The following SLC4A4 variants were observed in gnomAD, a reference collection of about 807,000 sequenced individuals.
SLC4A4 encodes the protein electrogenic sodium bicarbonate cotransporter 1.
SLC4A4 carries 27 observed loss-of-function variants against 111.5 expected under a neutral mutation model. The ratio of observed to expected loss-of-function variants is 0.24; its 90% CI spans 0.18 to 0.33. The LOEUF is 0.33. Among genes scored for constraint, SLC4A4 ranks in the 10% least tolerant of loss-of-function variants. The pLI, the probability that SLC4A4 is intolerant of heterozygous loss-of-function variation, is 1.00. For missense variants in SLC4A4, 909 were observed against 1,315.5 expected, an observed-to-expected ratio of 0.69 and a Z score of 4.78; for synonymous variants, 443 against 463.4, an observed-to-expected ratio of 0.96 and a Z score of 0.57.
intron 2 of SLC4A4, among the ~76,000 whole-genome samples, chr4:71,115,900 T>C (rs1034085695): frequency 3.3e-5 from 5 of 152,334 alleles, no homozygotes; most frequent in African/African-American, 1.2e-4. Context: ...TTTATTTTAT[T>C]TTTTGTTTTT....
At position 71,251,968 on chromosome 4, in the gene SLC4A4, A is replaced by G. The variant is rs1209301548; in HGVS notation, c.74-3252A>G. On this transcript the variant is annotated intron_variant, in intron 2 of 25. Transcript: ENST00000264485. ...TGTCTGTCAAGTTTCTCCTTTTCATATTACAGGGAAAACAATACTATATCC... is the reference window on the plus strand; with the variant it reads ...TGTCTGTCAAGTTTCTCCTTTTCATGTTACAGGGAAAACAATACTATATCC... 2.6e-5 allele frequency among the ~76,000 whole-genome samples: 4 copies of G among 152,104 alleles called. No individual in the cohort carries two copies. In the East Asian group the frequency reaches 7.7e-4, roughly 29 times the overall value.
intron 14 of SLC4A4, among the ~76,000 whole-genome samples, chr4:71,483,374 TC>T (rs1729067156): frequency 6.6e-6 from 1 of 151,906 alleles, no homozygotes; most frequent in Non-Finnish European, 1.5e-5. Context: ...CCTTTATGTG[TC>T]CATGTGTTCT....
At chr4:71,134,704 G>A (rs1181350564) in intron 2 of SLC4A4, among the ~76,000 whole-genome samples, 3 of 152,186 alleles carry the variant, frequency 2.0e-5, no homozygotes, top group Non-Finnish European at 4.4e-5. Context: ...GGCCTCAGTA[G>A]CGCTGAGCTT....
intron 20 of SLC4A4, among the ~76,000 whole-genome samples, chr4:71,548,894 T>C (rs540571953): frequency 1.2e-4 from 18 of 152,070 alleles, no homozygotes; most frequent in African/African-American, 4.1e-4. Flanking sequence ...TAAGATTGCC[T>C]TCAGGGTATT....
At chr4:71,435,011 A>T (rs1487947403) in intron 7 of SLC4A4, among the ~76,000 whole-genome samples, 2 of 152,214 alleles carry the variant, frequency 1.3e-5, no homozygotes, top group Non-Finnish European at 2.9e-5. Context: ...TAATTTATAG[A>T]TTCAATGCTA....
intron 13 of SLC4A4, among the ~76,000 whole-genome samples, chr4:71,472,109 T>C (rs1409547921): frequency 1.3e-5 from 2 of 152,096 alleles, no homozygotes; most frequent in Admixed American, 6.6e-5. Context: ...GGCCTTGCTC[T>C]CTCTGGTCTG....
At chr4:71,179,120 C>T (rs1170016278) in intron 2 of SLC4A4, among the ~76,000 whole-genome samples, 3 of 151,878 alleles carry the variant, frequency 2.0e-5, no homozygotes, top group Non-Finnish European at 4.4e-5. Flanking sequence ...ATTATCTCAA[C>T]AGATGCAGAA....
intron 14 of SLC4A4, among the ~76,000 whole-genome samples, chr4:71,474,712 C>T (rs1728201628): frequency 6.7e-6 from 1 of 149,822 alleles, no homozygotes; most frequent in Admixed American, 6.6e-5. Flanking sequence ...TATTTAAAAG[C>T]AATGCAGAAA....
At chr4:71,193,823 T>C (rs1390991461) in intron 1 of SLC4A4, among the ~76,000 whole-genome samples, 2 of 152,186 alleles carry the variant, frequency 1.3e-5, no homozygotes, top group African/African-American at 2.4e-5. Context: ...AGTTCAGTTC[T>C]TTTATTTGTT....
At chr4:71,251,266 G>C (rs1280057219) in intron 2 of SLC4A4, among the ~76,000 whole-genome samples, 5 of 152,188 alleles carry the variant, frequency 3.3e-5, no homozygotes, top group African/African-American at 4.8e-5. Context: ...GAGTTACTAA[G>C]TGTAAGTTTT....
At chr4:71,423,234 A>C (rs889994798) in intron 7 of SLC4A4, among the ~76,000 whole-genome samples, 89 of 152,274 alleles carry the variant, frequency 5.8e-4, no homozygotes, top group South Asian at 6.2e-4. Context: ...AACTCCCATT[A>C]ACAATTGCTT....
chr4:71,554,125 A>G (rs556098299), intron 20 of SLC4A4, among the ~76,000 whole-genome samples: 1 of 152,010 alleles, frequency 6.6e-6, no homozygotes, highest in South Asian at 2.1e-4. Context: ...TCACAAGGAG[A>G]GGCTGATAGA....
intron 7 of SLC4A4, among the ~76,000 whole-genome samples, chr4:71,401,614 G>A (rs1016612473): frequency 6.6e-6 from 1 of 152,126 alleles, no homozygotes; most frequent in Admixed American, 6.6e-5. Flanking sequence ...TGAGGTGGGT[G>A]CTTATCAAAT....
At chr4:71,210,532 G>A (rs1023283468) in intron 1 of SLC4A4, among the ~76,000 whole-genome samples, 4 of 151,966 alleles carry the variant, frequency 2.6e-5, no homozygotes, top group South Asian at 2.1e-4. Flanking sequence ...TTTTCTTATC[G>A]GTTATTTCTC....
intron 2 of SLC4A4, among the ~76,000 whole-genome samples, chr4:71,177,950 GT>G (rs1481554243): frequency 6.6e-6 from 1 of 152,166 alleles, no homozygotes; most frequent in Non-Finnish European, 1.5e-5. Flanking sequence ...CTCAGCAAAT[GT>G]AAAAGAACAG....
chr4:71,137,700 T>G (rs1450408884), intron 2 of SLC4A4, among the ~76,000 whole-genome samples: 1 of 152,218 alleles, frequency 6.6e-6, no homozygotes, highest in Non-Finnish European at 1.5e-5. Flanking sequence ...AAACTTGAGC[T>G]CCAAGGGCAG....
chr4:71,546,554 T>C, intron 19 of SLC4A4, 26 bp downstream of exon 19: 1 of 1,600,910 alleles, frequency 6.2e-7, no homozygotes, highest in Non-Finnish European at 8.5e-7. Flanking sequence ...GGAAAATGGC[T>C]CCCGAAAACA....
intron 16 of SLC4A4, among the ~76,000 whole-genome samples, chr4:71,516,374 G>A (rs1056311531): frequency 1.3e-5 from 2 of 152,130 alleles, no homozygotes; most frequent in East Asian, 3.9e-4. Context: ...TGGGATTACA[G>A]GCGTGAGCCA....
At chr4:71,207,658 C>T (rs1717850076) in intron 1 of SLC4A4, among the ~76,000 whole-genome samples, 1 of 152,216 alleles carries the variant, frequency 6.6e-6, no homozygotes, top group African/African-American at 2.4e-5. Flanking sequence ...TGCTACTTCA[C>T]ATTCTCCATC....
Sources: gnomAD v4.1 joint callset for allele counts (sites outside exome capture counted in the v4.1 genomes callset) on GRCh38, gnomAD v4.1.1 for gene constraint, MANE v1.5 for transcripts, NCBI Gene and HGNC (gene_info 2026-07-23, HGNC 2026-07-21) for gene names.